USP49: variants seen among roughly 807,000 people sequenced by gnomAD.
USP49 encodes the protein ubiquitin carboxyl-terminal hydrolase 49.
A neutral mutation model predicts 58.6 loss-of-function variants in USP49; 24 were observed. The observed-to-expected ratio is 0.41, with a 90% confidence interval of 0.30 to 0.58. The LOEUF (loss-of-function observed/expected upper bound fraction) is 0.58. USP49 is among the 20% of genes least tolerant of loss of function. The pLI, the probability that USP49 is intolerant of heterozygous loss-of-function variation, is 0.30. For synonymous variants in USP49, 408 were observed against 365.1 expected, an observed-to-expected ratio of 1.12 and a Z score of -1.34; for missense variants, 703 against 866.1, an observed-to-expected ratio of 0.81 and a Z score of 2.36.
intron 2 of USP49, among the ~76,000 whole-genome samples, chr6:41,886,853 C>T (rs1299148429): frequency 1.3e-5 from 2 of 152,164 alleles, no homozygotes; most frequent in East Asian, 1.9e-4. Flanking sequence ...GAGTCAAGAT[C>T]GCACCACTGC....
Position 41,823,752 on chromosome 6 carries a change from G to GCTCCT in USP49, c.-28-16746_-28-16742dup, listed in dbSNP as rs772845461. Among the ~76,000 whole-genome samples the GCTCCT allele has an allele frequency of 1.2e-4, 19 of 152,244 alleles. No homozygotes were observed. In the South Asian group the frequency reaches 1.5e-3, roughly 12 times the overall value. The stretch of plus-strand genomic sequence containing the variant: ...AGATCTTCCTTCCCCTCATGGAACA[G>GCTCCT]CTCCTAACATTATTGCAGTGTACTG... On this transcript the variant is annotated intron_variant, in intron 3 of 7. Transcript: ENST00000682992.
At chr6:41,877,299 T>G (rs1474022126) in intron 2 of USP49, among the ~76,000 whole-genome samples, 1 of 152,224 alleles carries the variant, frequency 6.6e-6, no homozygotes, top group Non-Finnish European at 1.5e-5. Flanking sequence ...CAGAATAATC[T>G]AGGTGGTAAA....
At position 41,798,772 on chromosome 6, in the gene USP49, C is replaced by CT; in HGVS notation, c.1827dup (p.Gly610ArgfsTer24). ...GCTGTGTAGTGTCCTGAGCCAAACC[C>CT]TTTCCCGTGATGCATGACCACTGCG... On this transcript the variant is annotated frameshift_variant, in exon 7 of 8. Transcript: ENST00000682992. LOFTEE classifies it high-confidence loss of function. The CT allele has an allele frequency of 1.2e-6, 2 of 1,614,046 alleles. No homozygotes were observed. Among genetic ancestry groups the CT allele is most frequent in the Non-Finnish European group, 1.7e-6 (2 of 1,180,020 alleles).
At position 41,796,548 on chromosome 6, in the gene USP49, T is replaced by A. The variant is rs1206986590; in HGVS notation, c.2052A>T (p.Pro684=). ...VQSSNNDEGR[P]QTFS ...TGCCTCCCATTCAGGAAAATGTCTG[T>A]GGTCTGCCTTCATCATTGTTGCTGG... Residue 684 remains proline (P), a synonymous_variant, in exon 8 of 8, where the codon CCA becomes CCT. Coordinates refer to ENST00000682992, the MANE Select transcript of USP49 (RefSeq NM_001286554.2). 2.8e-6 allele frequency: 2 copies of A among 717,356 alleles called. No individual in the cohort carries two copies. The highest frequency in any genetic ancestry group is 2.6e-6 in the Non-Finnish European group (1 of 385,042). The allele number at this position is 717,356 out of a possible 1,614,324, so 44.4% of individuals were successfully genotyped here. A position where few individuals can be genotyped will look rare whatever the true frequency, so the allele number is the denominator to read the frequency against.
In USP49 at chr6:41,805,038, G is replaced by A. The variant is rs149469407; in HGVS notation, c.1356+590C>T. Among the ~76,000 whole-genome samples, 13 of 152,298 alleles carry A rather than the reference G, an allele frequency of 8.5e-5. No homozygotes were observed. In the East Asian group the frequency reaches 2.5e-3, roughly 29 times the overall value. On this transcript the variant is annotated intron_variant, in intron 4 of 7. Transcript: ENST00000682992. Reference sequence around the variant, plus strand: ...GCTGGGATTACAGGCATGAGCCACCGTGCCCGGCACACCTGCCTTTTTTTA... The same window carrying A: ...GCTGGGATTACAGGCATGAGCCACCATGCCCGGCACACCTGCCTTTTTTTA...
intron 3 of USP49, among the ~76,000 whole-genome samples, chr6:41,841,306 T>TA (rs900797011): frequency 1.1e-4 from 16 of 151,138 alleles, no homozygotes; most frequent in South Asian, 2.1e-4. Context: ...ATATTATAGT[T>TA]AAAAAAAAAG....
Position 41,793,453 on chromosome 6 carries a change from G to C in USP49, c.*3080C>G, listed in dbSNP as rs1451614696. The C allele has an allele frequency of 6.6e-6, 1 of 152,550 alleles. No homozygotes were observed. The highest frequency in any genetic ancestry group is 1.5e-5 in the Non-Finnish European group (1 of 68,404). The allele number at this position is 152,550 out of a possible 1,614,324, so 9.4% of individuals were successfully genotyped here. A position where few individuals can be genotyped will look rare whatever the true frequency, so the allele number is the denominator to read the frequency against. On this transcript the variant is annotated 3_prime_UTR_variant, in exon 8 of 8. Coordinates refer to ENST00000682992, the MANE Select transcript of USP49 (RefSeq NM_001286554.2). ...TTTTTGTATTTTTAGTAGAGACGGA[G>C]TTTCACCATGTTGGCCAGGATGATC...
chr6:41,806,864 C>T lies in USP49; in HGVS notation c.120G>A (p.Lys40=), dbSNP rs760493409. 1.2e-6 allele frequency: 2 copies of T among 1,614,100 alleles called. No homozygotes were observed. Among genetic ancestry groups the T allele is most frequent in the Non-Finnish European group, 8.5e-7 (1 of 1,180,004 alleles). Reference sequence around the variant, plus strand: ...AGCGGCCGCAGGCCACGTGGGAGCACTTGAGGCAGGCCCACACGGACTCGG... The same window carrying T: ...AGCGGCCGCAGGCCACGTGGGAGCATTTGAGGCAGGCCCACACGGACTCGG... ...ATTESVWACL[K]CSHVACGRYI... Residue 40 remains lysine (K), a synonymous_variant, in exon 4 of 8, where the codon AAG becomes AAA. Transcript: ENST00000682992. This position sits in a 1 kb window ranked among gnomAD's most constrained non-coding sequence, Gnocchi z 5.9.
intron 5 of USP49, among the ~76,000 whole-genome samples, chr6:41,802,468 A>ATTTTTTTTTT (rs1178634996): frequency 2.7e-5 from 2 of 73,928 alleles, no homozygotes; most frequent in African/African-American, 1.1e-4. Flanking sequence ...TTATTTATTT[A>ATTTTTTTTTT]TTTTTTATTT....
chr6:41,814,394 T>C (rs532781019), intron 3 of USP49, among the ~76,000 whole-genome samples: 1 of 152,348 alleles, frequency 6.6e-6, no homozygotes, highest in Non-Finnish European at 1.5e-5. Context: ...AACATTTATC[T>C]TTTGTTCTGA....
Position 41,805,979 on chromosome 6 carries a change from C to CGA in USP49, c.1004_1005insTC (p.Arg335SerfsTer42), listed in dbSNP as rs770739449. On this transcript the variant is annotated frameshift_variant, in exon 4 of 8. Coordinates refer to ENST00000682992, the MANE Select transcript of USP49 (RefSeq NM_001286554.2). LOFTEE classifies it high-confidence loss of function. ...GCTCCAGACTCCGACTAATGGAGGC[C>CGA]CTGCCGTTCCAGCAGAAGCCCTCCC... 1 of 1,613,950 alleles carries CGA rather than the reference C, an allele frequency of 6.2e-7. No homozygotes were observed. Among genetic ancestry groups the CGA allele is most frequent in the Non-Finnish European group, 8.5e-7 (1 of 1,180,036 alleles).
At chr6:41,808,710 G>T (rs1773189189) in intron 3 of USP49, among the ~76,000 whole-genome samples, 1 of 151,220 alleles carries the variant, frequency 6.6e-6, no homozygotes, top group Admixed American at 6.6e-5. Context: ...ACGCCAGGCT[G>T]CTATACAACT....
At chr6:41,888,048 C>CTTTTTT (rs35468035) in intron 2 of USP49, among the ~76,000 whole-genome samples, 29 of 85,490 alleles carry the variant, frequency 3.4e-4, no homozygotes, top group South Asian at 5.0e-4. Flanking sequence ...TCACAATCAG[C>CTTTTTT]TTTTTTTTTT....
At chr6:41,843,971 G>A (rs1773874884) in intron 3 of USP49, among the ~76,000 whole-genome samples, 1 of 152,118 alleles carries the variant, frequency 6.6e-6, no homozygotes, top group Admixed American at 6.5e-5. Flanking sequence ...TTGAACCCAG[G>A]AGGTGGAGGT....
At chr6:41,855,719 C>T (rs1298152063) in intron 3 of USP49, among the ~76,000 whole-genome samples, 5 of 151,996 alleles carry the variant, frequency 3.3e-5, no homozygotes, top group African/African-American at 9.7e-5. Flanking sequence ...TTCACTCACA[C>T]CACTGGAAAC....
chr6:41,812,128 A>C (rs1018774485), intron 3 of USP49, among the ~76,000 whole-genome samples: 2 of 151,212 alleles, frequency 1.3e-5, no homozygotes, highest in African/African-American at 4.9e-5. Flanking sequence ...TGCCCAGGCT[A>C]GAGTTCAGTG....
At chr6:41,800,462 T>G (rs944206479) in intron 5 of USP49, among the ~76,000 whole-genome samples, 1 of 152,230 alleles carries the variant, frequency 6.6e-6, no homozygotes, top group Non-Finnish European at 1.5e-5. Context: ...TTTCCAATTT[T>G]TGCCATCAGC....
intron 3 of USP49, chr6:41,832,737 T>C (rs1773656929): frequency 6.6e-6 from 1 of 152,192 alleles, no homozygotes; most frequent in Admixed American, 6.5e-5. Flanking sequence ...CCAAACACTA[T>C]GCTTTAGGTG....
At chr6:41,817,208 G>A (rs1300313480) in intron 3 of USP49, among the ~76,000 whole-genome samples, 1 of 141,866 alleles carries the variant, frequency 7.0e-6, no homozygotes, top group East Asian at 2.1e-4. Flanking sequence ...GAGTGCAGTG[G>A]CGCGATCTCA....
Sources: allele counts gnomAD v4.1 joint callset (sites outside exome capture counted in the v4.1 genomes callset), GRCh38; gene constraint gnomAD v4.1.1; non-coding constraint Gnocchi (gnomAD v3.1); transcripts MANE v1.5; gene names NCBI Gene and HGNC (gene_info 2026-07-23, HGNC 2026-07-21).